SHQ1: variants seen among roughly 807,000 people sequenced by gnomAD.
SHQ1 encodes the protein protein SHQ1 homolog.
A neutral mutation model predicts 53.8 loss-of-function variants in SHQ1; 49 were observed. The observed-to-expected ratio is 0.91, with a 90% CI of 0.72 to 1.16. The LOEUF is 1.16. SHQ1 is among the 50% of genes most tolerant of loss of function. The pLI, the probability that SHQ1 is intolerant of heterozygous loss-of-function variation, is 0.00. For synonymous variants in SHQ1, 243 were observed against 251.0 expected (o/e 0.97, Z 0.30); for missense variants, 738 against 683.1 (o/e 1.08, Z -0.90).
the SHQ1 span, among the ~76,000 whole-genome samples, chr3:72,726,325 T>C: frequency 6.6e-6 from 1 of 151,964 alleles, no homozygotes; most frequent in Admixed American, 6.6e-5. Flanking sequence ...GGCAGTAAGA[T>C]ATGTATCTCT....
At chr3:72,738,663 G>C in the SHQ1 span, among the ~76,000 whole-genome samples, 1 of 152,082 alleles carries the variant, frequency 6.6e-6, no homozygotes, top group African/African-American at 2.4e-5. Flanking sequence ...CACTGATGTC[G>C]CCCCTCTCCT....
chr3:72,842,704 C>A (rs1305875821), intron 2 of SHQ1, among the ~76,000 whole-genome samples: 1 of 152,166 alleles, frequency 6.6e-6, no homozygotes, highest in East Asian at 1.9e-4. Context: ...ACTATGCCCT[C>A]ATAGATTTGG....
chr3:72,843,956 T>C (rs1471781172), intron 2 of SHQ1, among the ~76,000 whole-genome samples: 1 of 152,250 alleles, frequency 6.6e-6, no homozygotes, highest in Non-Finnish European at 1.5e-5. Context: ...CACCCATGCA[T>C]AGTTTCTCTC....
At chr3:72,841,685 AT>A (rs905951581) in intron 3 of SHQ1, among the ~76,000 whole-genome samples, 3 of 152,188 alleles carry the variant, frequency 2.0e-5, no homozygotes, top group Non-Finnish European at 2.9e-5. Context: ...CAGAGACCGG[AT>A]TTGTGGAAGA....
intron 1 of SHQ1, among the ~76,000 whole-genome samples, chr3:72,847,246 G>C (rs1708364955): frequency 6.6e-6 from 1 of 152,188 alleles, no homozygotes; most frequent in Non-Finnish European, 1.5e-5. Flanking sequence ...AACTGGTTCA[G>C]CAACAGTGAA....
rs116636688 is a variant in SHQ1 at position 72,780,381 on chromosome 3, G to A, written c.1181+12535C>T. Among the ~76,000 whole-genome samples the A allele has an allele frequency of 4.5e-3, 686 of 152,290 alleles. 3 individuals carry two copies. The highest frequency in any genetic ancestry group is 7.5e-3 in the Non-Finnish European group (513 of 68,020). Reference sequence around the variant, plus strand: ...GTTATGTCCCTTAAACAAGCAGACAGGACAAATGCTGACAACTGTAATTTT... The same window carrying A: ...GTTATGTCCCTTAAACAAGCAGACAAGACAAATGCTGACAACTGTAATTTT... On this transcript the variant is annotated intron_variant, in intron 10 of 10. Coordinates refer to ENST00000325599, the MANE Select transcript of SHQ1 (RefSeq NM_018130.3).
At chr3:72,781,838 T>C (rs186275079) in intron 10 of SHQ1, among the ~76,000 whole-genome samples, 358 of 152,294 alleles carry the variant, frequency 2.4e-3, no homozygotes, top group African/African-American at 8.3e-3. Context: ...CATCAATCCC[T>C]GTATAAAATA....
At chr3:72,756,400 C>T (rs140914571) in intron 10 of SHQ1, among the ~76,000 whole-genome samples, 15 of 152,182 alleles carry the variant, frequency 9.9e-5, no homozygotes, top group East Asian at 1.9e-4. Flanking sequence ...ATCAGCCTCC[C>T]GAGTAGCTGG....
the SHQ1 span, among the ~76,000 whole-genome samples, chr3:72,727,006 C>A: frequency 6.6e-6 from 1 of 152,204 alleles, no homozygotes; most frequent in Non-Finnish European, 1.5e-5. Flanking sequence ...AAAACAGTCA[C>A]AATTTAGTGC....
chr3:72,766,570 A>C (rs753545700), intron 10 of SHQ1, among the ~76,000 whole-genome samples: 3 of 152,198 alleles, frequency 2.0e-5, no homozygotes, highest in Non-Finnish European at 4.4e-5. Flanking sequence ...TAAACAAGAT[A>C]AAACTATTTG....
intron 9 of SHQ1, among the ~76,000 whole-genome samples, chr3:72,807,319 G>C (rs983244416): frequency 6.6e-6 from 1 of 152,158 alleles, no homozygotes; most frequent in African/African-American, 2.4e-5. Flanking sequence ...TCTGTGCCCT[G>C]TGCCCCCATT....
the SHQ1 span, among the ~76,000 whole-genome samples, chr3:72,730,256 C>G: frequency 6.6e-6 from 1 of 152,136 alleles, no homozygotes; most frequent in South Asian, 2.1e-4. Flanking sequence ...GCTGGGACTA[C>G]AGACATGTGT....
Position 72,848,376 on chromosome 3 carries a change from C to G in SHQ1, c.-36G>C, listed in dbSNP as rs371048371. On this transcript the variant is annotated 5_prime_UTR_variant, in exon 1 of 11. Transcript: ENST00000325599. ...GACGCAAGGGCCGGCGCCGCTCGCT[C>G]TCACTGCCGCCGCGTTCCCGCCACG... is the stretch of plus-strand genomic sequence containing the variant. 2 of 1,609,456 alleles carry G rather than the reference C, an allele frequency of 1.2e-6. No homozygotes were observed. Among genetic ancestry groups the G allele is most frequent in the East Asian group, 2.2e-5 (1 of 44,710 alleles).
At chr3:72,822,977 G>A (rs566943095) in intron 6 of SHQ1, among the ~76,000 whole-genome samples, 6 of 152,028 alleles carry the variant, frequency 3.9e-5, no homozygotes, top group African/African-American at 1.2e-4. Flanking sequence ...GTGAAACCCC[G>A]TCTCTAGTAA....
At chr3:72,809,248 G>A (rs993537764) in intron 9 of SHQ1, among the ~76,000 whole-genome samples, 1 of 152,094 alleles carries the variant, frequency 6.6e-6, no homozygotes, top group African/African-American at 2.4e-5. Context: ...GTCCCAGCTG[G>A]GGAAGGGAAG....
At chr3:72,805,264 G>T (rs1298179753) in intron 9 of SHQ1, among the ~76,000 whole-genome samples, 1 of 152,166 alleles carries the variant, frequency 6.6e-6, no homozygotes, top group African/African-American at 2.4e-5. Flanking sequence ...ACTGAAAGTC[G>T]TTATGTGGTA....
At chr3:72,796,101 CAAAAAAAAAAA>C (rs555086403) in intron 9 of SHQ1, among the ~76,000 whole-genome samples, 5 of 40,532 alleles carry the variant, frequency 1.2e-4, no homozygotes, top group Non-Finnish European at 2.3e-4. Flanking sequence ...GACTCCATCT[CAAAAAAAAAAA>C]AAAAAAAAAA....
chr3:72,738,937 C>T, the SHQ1 span, among the ~76,000 whole-genome samples: 1 of 152,202 alleles, frequency 6.6e-6, no homozygotes, highest in Non-Finnish European at 1.5e-5. Context: ...GAGCTACACC[C>T]GCTAGTTCAG....
the SHQ1 span, among the ~76,000 whole-genome samples, chr3:72,736,783 A>G: frequency 1.4e-5 from 1 of 72,134 alleles, no homozygotes; most frequent in East Asian, 3.1e-4. Flanking sequence ...ACAGAGTGAG[A>G]CTCCGTTTCA....
Sources: allele counts gnomAD v4.1 joint callset (sites outside exome capture counted in the v4.1 genomes callset), GRCh38; gene constraint gnomAD v4.1.1; transcripts MANE v1.5; gene names NCBI Gene and HGNC (gene_info 2026-07-23, HGNC 2026-07-21).